The following PRKDC variants were observed in gnomAD, a reference collection of about 807,000 sequenced individuals.
The protein encoded by PRKDC is protein kinase, DNA-activated, catalytic subunit, also known as DNA-dependent protein kinase catalytic subunit.
A neutral mutation model predicts 486.9 loss-of-function variants in PRKDC; 82 were observed. The observed-to-expected ratio is 0.17, with a 90% CI of 0.14 to 0.20. PRKDC has a LOEUF of 0.20. Ranked by LOEUF, PRKDC falls within the 10% of genes least tolerant of loss-of-function variation. The pLI is 1.00. For synonymous variants in PRKDC, 1,895 were observed against 1,837.0 expected (o/e 1.03, Z -0.81); for missense variants, 4,504 against 5,038.2 (o/e 0.89, Z 3.21).
At chr8:47,793,013 T>C (rs1472159419) in intron 74 of PRKDC, among the ~76,000 whole-genome samples, 3 of 152,178 alleles carry the variant, frequency 2.0e-5, no homozygotes, top group South Asian at 2.1e-4. Context: ...TCCTAAGTAG[T>C]TGGAAGTACA....
rs1183873446 is a variant in PRKDC at position 47,785,259 on chromosome 8, A to G, written c.10961T>C (p.Met3654Thr). 3 of 1,613,020 alleles carry G rather than the reference A, an allele frequency of 1.9e-6. No individual in the cohort carries two copies. The highest frequency in any genetic ancestry group is 8.5e-7 in the Non-Finnish European group (1 of 1,179,350). ...FGKGGSKLLR[M>T]KLSDFNDITN... is the part of the protein sequence containing the mutation. ...AATGTCGTTGAAGTCACTGAGCTTC[A>G]TTCTCAGTAGTTTAGAACCTCCTTT... The change falls in exon 77 of 86, where the codon ATG becomes ACG. Residue 3654 changes from methionine to threonine, a missense_variant. This residue lies in a region of PRKDC where 706 missense variants were observed against 945.0 expected (regional missense o/e 0.75). Coordinates refer to ENST00000314191, the MANE Select transcript of PRKDC (RefSeq NM_006904.7).
rs1563782397 is a variant in PRKDC at position 47,881,107 on chromosome 8, A to AAGC, written c.5067+308_5067+309insGCT. ...GCAAGAAAGCAAGCAAGCAAGCAAG[A>AAGC]AAGAAAGAAATGTTCTCATGTCTTG... On this transcript the variant is annotated intron_variant, in intron 38 of 85. Transcript: ENST00000314191. Among the ~76,000 whole-genome samples, 509 of 151,220 alleles carry AAGC rather than the reference A, an allele frequency of 3.4e-3. 7 individuals are homozygous for AAGC. Among genetic ancestry groups the AAGC allele is most frequent in the African/African-American group, 0.012 (481 of 40,658 alleles).
intron 54 of PRKDC, among the ~76,000 whole-genome samples, chr8:47,842,709 C>T (rs1390943973): frequency 6.6e-6 from 1 of 152,202 alleles, no homozygotes; most frequent in Admixed American, 6.5e-5. Context: ...ACTGTCCTAA[C>T]CTCTCAGCAA....
At chr8:47,885,599 T>C (rs769742775) in intron 36 of PRKDC, among the ~76,000 whole-genome samples, 56 of 152,004 alleles carry the variant, frequency 3.7e-4, no homozygotes, top group Non-Finnish European at 6.3e-4. Context: ...AAGGATTATA[T>C]AAGAAAATAT....
rs749779206 is a variant in PRKDC at position 47,777,000 on chromosome 8, T to C, written c.12043-17A>G. Reference sequence around the variant, plus strand: ...TTCAAAATTCTAGAAGAAAAGAACATGATTTTCCCGGCTGATCATAATGGT... The same window carrying C: ...TTCAAAATTCTAGAAGAAAAGAACACGATTTTCCCGGCTGATCATAATGGT... On this transcript the variant is annotated splice_polypyrimidine_tract_variant and intron_variant, in intron 84 of 85. Transcript: ENST00000314191. 6 of 1,605,970 alleles carry C rather than the reference T, an allele frequency of 3.7e-6. No homozygotes were observed. The African/African-American group carries it at 5.4e-5, about 14-fold the overall frequency.
At chr8:47,838,762 C>T (rs1438597431) in intron 56 of PRKDC, among the ~76,000 whole-genome samples, 1 of 152,204 alleles carries the variant, frequency 6.6e-6, no homozygotes, top group African/African-American at 2.4e-5. Flanking sequence ...ATTACAGTTT[C>T]CTCTCATTTC....
chr8:47,888,041 G>T lies in PRKDC; in HGVS notation c.4414-336C>A, dbSNP rs538221666. On this transcript the variant is annotated intron_variant, in intron 34 of 85. Coordinates refer to ENST00000314191, the MANE Select transcript of PRKDC (RefSeq NM_006904.7). ...CTGGACAATGTTTTTTTTTGTTGTT[G>T]TTGTTTTTTAATTGTTTGTAGAGAT... Among the ~76,000 whole-genome samples the T allele has an allele frequency of 4.6e-5, 7 of 152,044 alleles. No individual in the cohort carries two copies. The South Asian group carries it at 1.5e-3, about 32-fold the overall frequency.
At chr8:47,799,509 C>G (rs1247745221) in intron 71 of PRKDC, 119 bp from the exon 72 acceptor site, 1 of 1,013,456 alleles carries the variant, frequency 9.9e-7, no homozygotes, top group Non-Finnish European at 1.3e-6. Context: ...AACACTGAAG[C>G]TATGGAACTG....
intron 78 of PRKDC, 37 bp downstream of exon 78, chr8:47,783,705 T>C: frequency 6.2e-7 from 1 of 1,607,694 alleles, no homozygotes; most frequent in Non-Finnish European, 8.5e-7. Flanking sequence ...AGAACGTTCA[T>C]CAGGACAGGG....
rs192534418 is a variant in PRKDC at position 47,941,580 on chromosome 8, G to A, written c.966+1629C>T. Among the ~76,000 whole-genome samples, 5 of 152,344 alleles carry A rather than the reference G, an allele frequency of 3.3e-5. No homozygotes were observed. In the East Asian group the frequency reaches 7.7e-4, roughly 24 times the overall value. On this transcript the variant is annotated intron_variant, in intron 10 of 85. Transcript: ENST00000314191. ...GAATGCTGCCCTGACTCTGCGGGGA[G>A]AGGACCAGGGAAGATCCACATTTGG...
At chr8:47,827,440 C>T (rs113393289) in intron 62 of PRKDC, among the ~76,000 whole-genome samples, 4 of 152,174 alleles carry the variant, frequency 2.6e-5, no homozygotes, top group African/African-American at 9.6e-5. Flanking sequence ...TTGAATGGCA[C>T]AGAAAACATT....
At chr8:47,789,742 G>A (rs2086854564) in intron 74 of PRKDC, among the ~76,000 whole-genome samples, 1 of 152,080 alleles carries the variant, frequency 6.6e-6, no homozygotes, top group African/African-American at 2.4e-5. Context: ...GAGATGCAAG[G>A]ATAGATCAAA....
chr8:47,884,981 T>C (rs1478521590), intron 36 of PRKDC, among the ~76,000 whole-genome samples: 2 of 152,192 alleles, frequency 1.3e-5, no homozygotes, highest in Non-Finnish European at 2.9e-5. Flanking sequence ...CTGGTATGAA[T>C]GCAAAGCCAG....
chr8:47,869,359 G>A (rs1309839880), intron 40 of PRKDC, among the ~76,000 whole-genome samples: 1 of 151,704 alleles, frequency 6.6e-6, no homozygotes, highest in East Asian at 2.0e-4. Context: ...GCACCAGGGA[G>A]AATCCTGAGT....
rs771132913 is a variant in PRKDC at position 47,954,385 on chromosome 8, C to T, written c.461G>A (p.Ser154Asn). 7 of 1,373,186 alleles carry T rather than the reference C, an allele frequency of 5.1e-6. No individual in the cohort carries two copies. The allele number at this position is 1,373,186 out of a possible 1,614,324, so 85.1% of individuals were successfully genotyped here. The change falls in exon 5 of 86, where the codon AGT (serine) becomes AAT (asparagine). Residue 154 changes from serine (S) to asparagine (N), a missense_variant. Ser to Asn is a conservative substitution (Grantham distance 46). Coordinates refer to ENST00000314191, the MANE Select transcript of PRKDC (RefSeq NM_006904.7). ...MDEFKIGELFSKFYGELALKK... is the reference protein window; with the variant it reads ...MDEFKIGELFNKFYGELALKK... ...CAATGCAAGTTCTCCATAGAATTTA[C>T]TAAATAATTCTCCAATTTTAAATTC...
chr8:47,902,882 A>C, intron 26 of PRKDC, 87 bp from the exon 27 acceptor site: 1 of 968,436 alleles, frequency 1.0e-6, no homozygotes, highest in Non-Finnish European at 1.4e-6. Flanking sequence ...GAGCATAACT[A>C]AAGTATGTTA....
Position 47,819,616 on chromosome 8 carries a change from CA to C in PRKDC, c.9337-107del, listed in dbSNP as rs565447789. 3.2e-5 allele frequency: 16 copies of C among 503,646 alleles called. No individual in the cohort carries two copies. In the South Asian group the frequency reaches 8.1e-4, roughly 25 times the overall value. The allele number at this position is 503,646 out of a possible 1,614,324, so 31.2% of individuals were successfully genotyped here. ...CAGTACTCTAAATTATGAAATGTAG[CA>C]ATTATTCTATAAATATGCCTCAGAA... On this transcript the variant is annotated intron_variant, in intron 66 of 85. Coordinates refer to ENST00000314191, the MANE Select transcript of PRKDC (RefSeq NM_006904.7).
At chr8:47,815,086 A>C (rs2087415342) in intron 68 of PRKDC, among the ~76,000 whole-genome samples, 1 of 152,190 alleles carries the variant, frequency 6.6e-6, no homozygotes, top group Non-Finnish European at 1.5e-5. Context: ...GGACTGCTTA[A>C]ACCTGGGAGG....
At chr8:47,863,044 C>T (rs2088713599) in intron 42 of PRKDC, among the ~76,000 whole-genome samples, 1 of 152,008 alleles carries the variant, frequency 6.6e-6, no homozygotes, top group African/African-American at 2.4e-5. Flanking sequence ...AAAATATTTA[C>T]TATGCCTTTA....
Sources: allele counts gnomAD v4.1 joint callset (sites outside exome capture counted in the v4.1 genomes callset), GRCh38; gene constraint gnomAD v4.1.1; regional missense constraint gnomAD v4.1.1; transcripts MANE v1.5; gene names NCBI Gene and HGNC (gene_info 2026-07-23, HGNC 2026-07-21).